The following RALGAPA2 variants were observed in gnomAD, a reference collection of about 807,000 sequenced individuals.
The protein encoded by RALGAPA2 is Ral GTPase activating protein catalytic subunit alpha 2, also known as ral GTPase-activating protein subunit alpha-2.
A neutral mutation model predicts 230.4 loss-of-function variants in RALGAPA2; 139 were observed. That is an observed-to-expected ratio of 0.60 (90% CI 0.53 to 0.69). RALGAPA2 has a LOEUF of 0.69. Among genes scored for constraint, RALGAPA2 ranks in the 30% least tolerant of loss-of-function variants. The probability of loss-of-function intolerance (pLI) is 0.00; values close to 1 mark genes in which losing one functional copy is unlikely to be tolerated. For synonymous variants in RALGAPA2, 847 were observed against 837.8 expected (o/e 1.01, Z -0.19); for missense variants, 2,163 against 2,276.0 (o/e 0.95, Z 1.01).
intron 31 of RALGAPA2, 42 bp from the exon 32 acceptor site, chr20:20,513,326 T>G: frequency 1.5e-6 from 2 of 1,339,030 alleles, no homozygotes; most frequent in South Asian, 2.6e-5. Context: ...CAGTGGTGAA[T>G]GAAGATTAAA....
At chr20:20,599,994 A>T (rs1304188791) in intron 16 of RALGAPA2, among the ~76,000 whole-genome samples, 1 of 151,862 alleles carries the variant, frequency 6.6e-6, no homozygotes. Flanking sequence ...AAAATAAAAA[A>T]AAAATCCAAT....
chr20:20,477,020 G>C (rs2061668261), intron 36 of RALGAPA2, among the ~76,000 whole-genome samples: 3 of 152,084 alleles, frequency 2.0e-5, no homozygotes, highest in Admixed American at 2.0e-4. Context: ...CAAGTAAAAT[G>C]AATCAATAGG....
chr20:20,491,004 A>G (rs1441857506), intron 36 of RALGAPA2, among the ~76,000 whole-genome samples: 1 of 152,048 alleles, frequency 6.6e-6, no homozygotes, highest in East Asian at 1.9e-4. Flanking sequence ...ACGGGCAGCT[A>G]GGAACAAGAG....
At chr20:20,524,141 A>G (rs993027168) in intron 30 of RALGAPA2, among the ~76,000 whole-genome samples, 1 of 152,132 alleles carries the variant, frequency 6.6e-6, no homozygotes, top group Non-Finnish European at 1.5e-5. Flanking sequence ...TACTTTTAGT[A>G]GAGATGGGGT....
At chr20:20,667,977 TAAG>T (rs1237074596) in intron 3 of RALGAPA2, among the ~76,000 whole-genome samples, 1 of 152,130 alleles carries the variant, frequency 6.6e-6, no homozygotes, top group East Asian at 1.9e-4. Flanking sequence ...ACTCTGGTAA[TAAG>T]AAGAAGCCCA....
intron 5 of RALGAPA2, among the ~76,000 whole-genome samples, chr20:20,642,364 C>T (rs2067071602): frequency 6.6e-6 from 1 of 151,962 alleles, no homozygotes; most frequent in Admixed American, 6.5e-5. Context: ...GCGTATGCCA[C>T]CATGCCCGGC....
At chr20:20,579,976 T>C (rs2064939693) in intron 20 of RALGAPA2, among the ~76,000 whole-genome samples, 1 of 152,206 alleles carries the variant, frequency 6.6e-6, no homozygotes, top group African/African-American at 2.4e-5. Flanking sequence ...ATTTATCACA[T>C]TATTTGTGAC....
rs372583478 is a variant in RALGAPA2 at position 20,521,085 on chromosome 20, C to T, written c.3916G>A (p.Val1306Met). ...DYIYRVLHCCVCGSSTYTQQS... is the reference protein window; with the variant it reads ...DYIYRVLHCCMCGSSTYTQQS... Reference sequence around the variant, plus strand: ...TGGGTGTACGTGCTTGAGCCACACACACAGCAGTGCAAAACCTGTGAAAAC... The same window carrying T: ...TGGGTGTACGTGCTTGAGCCACACATACAGCAGTGCAAAACCTGTGAAAAC... The change falls in exon 31 of 40, where the codon GTG becomes ATG. Residue 1306 changes from valine to methionine, a missense_variant. Transcript: ENST00000202677. 1.4e-5 allele frequency: 23 copies of T among 1,610,790 alleles called. No individual in the cohort carries two copies. The highest frequency in any genetic ancestry group is 1.6e-5 in the Non-Finnish European group (19 of 1,177,704).
chr20:20,529,442 T>C (rs2063313614), intron 27 of RALGAPA2, among the ~76,000 whole-genome samples: 1 of 152,360 alleles, frequency 6.6e-6, no homozygotes, highest in East Asian at 1.9e-4. Context: ...TACTCTGTTA[T>C]CAATTTCCAT....
At chr20:20,538,677 C>T (rs1265148661) in intron 24 of RALGAPA2, among the ~76,000 whole-genome samples, 4 of 152,130 alleles carry the variant, frequency 2.6e-5, no homozygotes, top group Non-Finnish European at 4.4e-5. Context: ...CTGAAGAAGA[C>T]TTTTTGAAAT....
chr20:20,513,784 G>A (rs2062789832), intron 31 of RALGAPA2, among the ~76,000 whole-genome samples: 1 of 152,200 alleles, frequency 6.6e-6, no homozygotes, highest in Admixed American at 6.5e-5. Context: ...AGGAGCACTT[G>A]CTCTGGAGTG....
At chr20:20,430,228 A>G (rs1026686012) in intron 37 of RALGAPA2, among the ~76,000 whole-genome samples, 12 of 152,340 alleles carry the variant, frequency 7.9e-5, no homozygotes, top group African/African-American at 2.6e-4. Flanking sequence ...GGAACCTAAC[A>G]GGGAGCAGCT....
intron 9 of RALGAPA2, among the ~76,000 whole-genome samples, chr20:20,633,573 C>T (rs898985161): frequency 1.3e-5 from 2 of 152,186 alleles, no homozygotes; most frequent in African/African-American, 2.4e-5. Flanking sequence ...GTGCAAGCTC[C>T]GCCTCCTGGG....
intron 35 of RALGAPA2, among the ~76,000 whole-genome samples, chr20:20,500,597 C>T (rs1412354502): frequency 1.3e-5 from 2 of 152,226 alleles, no homozygotes; most frequent in Non-Finnish European, 1.5e-5. Flanking sequence ...ACTTCCTTCA[C>T]TGAAGTCTTG....
At chr20:20,611,022 TC>T (rs2065960183) in intron 14 of RALGAPA2, among the ~76,000 whole-genome samples, 1 of 152,150 alleles carries the variant, frequency 6.6e-6, no homozygotes, top group East Asian at 1.9e-4. Context: ...CTTTCGTTCA[TC>T]CTTTACCTCT....
At chr20:20,617,520 C>G (rs1451913659) in intron 12 of RALGAPA2, among the ~76,000 whole-genome samples, 1 of 152,176 alleles carries the variant, frequency 6.6e-6, no homozygotes, top group Admixed American at 6.5e-5. Flanking sequence ...TATATTGCAA[C>G]ACAGATCCTT....
intron 4 of RALGAPA2, among the ~76,000 whole-genome samples, chr20:20,648,209 T>C (rs1404296395): frequency 1.3e-5 from 2 of 152,058 alleles, no homozygotes; most frequent in Non-Finnish European, 2.9e-5. Flanking sequence ...AACCCTAAAA[T>C]AATTACGCCA....
chr20:20,429,650 T>A (rs1213591204), intron 37 of RALGAPA2, among the ~76,000 whole-genome samples: 1 of 152,216 alleles, frequency 6.6e-6, no homozygotes, highest in Non-Finnish European at 1.5e-5. Context: ...AATTCTAAAG[T>A]TTTCTTAATT....
chr20:20,498,363 A>G (rs1411786608), intron 35 of RALGAPA2, among the ~76,000 whole-genome samples: 1 of 152,246 alleles, frequency 6.6e-6, no homozygotes, highest in African/African-American at 2.4e-5. Flanking sequence ...AAGTCTTAAG[A>G]AATCAATCCC....
Sources: gnomAD v4.1 joint callset for allele counts (sites outside exome capture counted in the v4.1 genomes callset) on GRCh38, gnomAD v4.1.1 for gene constraint, MANE v1.5 for transcripts, NCBI Gene and HGNC (gene_info 2026-07-23, HGNC 2026-07-21) for gene names.